The following CTSC variants were observed in gnomAD, a reference collection of about 807,000 sequenced individuals.
CTSC encodes dipeptidyl peptidase 1.
In CTSC, 37 loss-of-function variants were observed where a neutral mutation model predicts 40.9. The ratio of observed to expected loss-of-function variants is 0.91; its 90% CI spans 0.70 to 1.19. The LOEUF is 1.19. CTSC is among the 50% of genes most tolerant of loss of function. The probability of loss-of-function intolerance (pLI) is 0.00; values close to 1 mark genes in which losing one functional copy is unlikely to be tolerated. For synonymous variants in CTSC, 232 were observed against 207.4 expected (o/e 1.12, Z -1.02); for missense variants, 594 against 567.3 (o/e 1.05, Z -0.48).
At chr11:88,328,615 T>C (rs922294481) in intron 2 of CTSC, among the ~76,000 whole-genome samples, 5 of 152,170 alleles carry the variant, frequency 3.3e-5, no homozygotes, top group Non-Finnish European at 7.4e-5. Context: ...TTTCTCAACA[T>C]AGAGTTCTTG....
Position 88,312,526 on chromosome 11 carries a change from G to A in CTSC, c.347C>T (p.Thr116Ile). ...KYKEEGSKVT[T>I]YCNETMTGWV... ...CCCAGTCATTGTCTCGTTGCAGTAA[G>A]TGGTCACCTTGCTGCCCTCTTCTTT... Residue 116 changes from threonine to isoleucine, a missense_variant, in exon 3 of 7, where the codon ACT becomes ATT. Thr to Ile is a moderately conservative substitution (Grantham distance 89). Transcript: ENST00000227266. 6.2e-7 allele frequency: 1 copy of A among 1,614,130 alleles called. No individual in the cohort carries two copies. Among genetic ancestry groups the A allele is most frequent in the Non-Finnish European group, 8.5e-7 (1 of 1,180,020 alleles).
Position 88,312,430 on chromosome 11 carries a change from T to A in CTSC, c.443A>T (p.Asn148Ile), listed in dbSNP as rs1458690615. The A allele has an allele frequency of 1.2e-6, 2 of 1,614,038 alleles. No homozygotes were observed. The highest frequency in any genetic ancestry group is 1.7e-6 in the Non-Finnish European group (2 of 1,180,010). ...TGKKVGTASENVYVNIAHLKN... is the reference protein window; with the variant it reads ...TGKKVGTASEIVYVNIAHLKN... ...AAGGTGTGCTATGTTGACATACACA[T>A]TCTCAGAGGCAGTTCCCACCTTCTT... is the stretch of plus-strand genomic sequence containing the variant. The change falls in exon 3 of 7, where the codon AAT (asparagine) becomes ATT (isoleucine). Residue 148 changes from asparagine (N) to isoleucine (I), a missense_variant. Physicochemically the swap from Asn to Ile is moderately radical, Grantham distance 149. Coordinates refer to ENST00000227266, the MANE Select transcript of CTSC (RefSeq NM_001814.6).
chr11:88,296,294 A>G (rs372600190), intron 5 of CTSC, 30 bp from the exon 6 acceptor site: 19 of 1,612,532 alleles, frequency 1.2e-5, no homozygotes, highest in Non-Finnish European at 1.4e-5. Context: ...ACATAATCCA[A>G]GAGACATCTG....
At chr11:88,306,774 C>A (rs538137479) in intron 4 of CTSC, among the ~76,000 whole-genome samples, 2 of 152,344 alleles carry the variant, frequency 1.3e-5, no homozygotes, top group African/African-American at 4.8e-5. Flanking sequence ...TCACATTGGA[C>A]CCCTGCCCTT....
chr11:88,295,735 T>A (rs1205506912), intron 6 of CTSC, among the ~76,000 whole-genome samples: 1 of 152,092 alleles, frequency 6.6e-6, no homozygotes, highest in Non-Finnish European at 1.5e-5. Context: ...AGTATAGTTT[T>A]AATAAAAGTT....
chr11:88,325,090 A>G, intron 2 of CTSC: 1 of 782,094 alleles, frequency 1.3e-6, no homozygotes, highest in Non-Finnish European at 1.5e-6. Flanking sequence ...CAAAGCTGAA[A>G]GAAGTCAGCT....
At chr11:88,300,509 A>C in intron 5 of CTSC, 21 bp downstream of exon 5, 1 of 1,451,318 alleles carries the variant, frequency 6.9e-7, no homozygotes, top group Non-Finnish European at 9.7e-7. Context: ...ATTAACAAAA[A>C]ACTTAGGCTT....
intron 2 of CTSC, among the ~76,000 whole-genome samples, chr11:88,316,566 T>C (rs1178358783): frequency 6.6e-6 from 1 of 152,004 alleles, no homozygotes; most frequent in East Asian, 1.9e-4. Context: ...TACTAACTCA[T>C]TTATTTTTCA....
intron 4 of CTSC, among the ~76,000 whole-genome samples, chr11:88,302,405 C>G (rs376093529): frequency 1.3e-5 from 2 of 152,002 alleles, no homozygotes; most frequent in Non-Finnish European, 2.9e-5. Flanking sequence ...GGGCGGATCA[C>G]GAGGTCAGGA....
Position 88,312,409 on chromosome 11 carries a change from T to C in CTSC, c.464A>G (p.His155Arg). The change falls in exon 3 of 7, where the codon CAC becomes CGC. Residue 155 changes from histidine (H) to arginine (R), a missense_variant. By Grantham distance (29) the His-to-Arg change is conservative. Coordinates refer to ENST00000227266, the MANE Select transcript of CTSC (RefSeq NM_001814.6). ...TCACTTTTCCTGAGAATTCTTAAGG[T>C]GTGCTATGTTGACATACACATTCTC... ...ASENVYVNIA[H>R]LKNSQEKYSN... The C allele has an allele frequency of 6.2e-7, 1 of 1,614,164 alleles. No homozygotes were observed.
chr11:88,298,282 T>G (rs1944319689), intron 5 of CTSC: 1 of 152,222 alleles, frequency 6.6e-6, no homozygotes, highest in Non-Finnish European at 1.5e-5. Context: ...AAAAACAGCA[T>G]AGCTGGGAGA....
Position 88,337,564 on chromosome 11 carries a change from CCAG to C in CTSC, c.106_108del (p.Leu36del). The C allele has an allele frequency of 6.3e-7, 1 of 1,576,310 alleles. No homozygotes were observed. The highest frequency in any genetic ancestry group is 8.6e-7 in the Non-Finnish European group (1 of 1,160,114). On this transcript the variant is annotated inframe_deletion, in exon 1 of 7. Transcript: ENST00000227266. ...GAGCCCACCTGGAAGACCCAGGTGC[CCAG>C]CAGGTCAAGATAGGTGCAGTTGGCA...
intron 2 of CTSC, chr11:88,328,017 C>G (rs1591241434): frequency 1.2e-6 from 1 of 830,726 alleles, no homozygotes; most frequent in South Asian, 1.4e-5. Context: ...CAGTCACCCT[C>G]TGATGAATAA....
At chr11:88,315,204 G>A (rs1214855117) in intron 2 of CTSC, among the ~76,000 whole-genome samples, 1 of 152,028 alleles carries the variant, frequency 6.6e-6, no homozygotes, top group Non-Finnish European at 1.5e-5. Flanking sequence ...GTAGGGTTAG[G>A]CCGATGCTCC....
Position 88,337,597 on chromosome 11 carries a change from T to C in CTSC, c.76A>G (p.Thr26Ala). 1 of 1,579,514 alleles carries C rather than the reference T, an allele frequency of 6.3e-7. No homozygotes were observed. Among genetic ancestry groups the C allele is most frequent in the Non-Finnish European group, 8.6e-7 (1 of 1,162,106 alleles). ...LSGDGAVRCDTPANCTYLDLL... is the reference protein window; with the variant it reads ...LSGDGAVRCDAPANCTYLDLL... ...TCAAGATAGGTGCAGTTGGCAGGTG[T>C]GTCGCAGCGCACGGCGCCGTCGCCG... is the stretch of plus-strand genomic sequence containing the variant. Residue 26 changes from threonine (T) to alanine (A), a missense_variant, in exon 1 of 7, where the codon ACA (threonine) becomes GCA (alanine). By Grantham distance (58) the Thr-to-Ala change is moderately conservative. Transcript: ENST00000227266.
chr11:88,309,323 C>A lies in CTSC; in HGVS notation c.486-5G>T. 1 of 1,610,692 alleles carries A rather than the reference C, an allele frequency of 6.2e-7. No homozygotes were observed. Among genetic ancestry groups the A allele is most frequent in the Non-Finnish European group, 8.5e-7 (1 of 1,177,092 alleles). The stretch of plus-strand genomic sequence containing the variant: ...TTGTAGAGCCTATTAGAATACCTGT[C>A]CCCAAAAATGAGATAATTTCAGATA... On this transcript the variant is annotated splice_polypyrimidine_tract_variant and splice_region_variant and intron_variant, in intron 3 of 6. Coordinates refer to ENST00000227266, the MANE Select transcript of CTSC (RefSeq NM_001814.6).
intron 4 of CTSC, among the ~76,000 whole-genome samples, chr11:88,302,166 G>A (rs1032816286): frequency 2.0e-5 from 3 of 152,126 alleles, no homozygotes; most frequent in Admixed American, 6.5e-5. Flanking sequence ...ACTGGGCATT[G>A]TCATATCACA....
intron 4 of CTSC, among the ~76,000 whole-genome samples, chr11:88,307,678 G>A (rs1937664897): frequency 6.6e-6 from 1 of 151,028 alleles, no homozygotes; most frequent in South Asian, 2.1e-4. Context: ...GAGGCAAAGG[G>A]AACAGCACAA....
At chr11:88,297,008 G>A (rs769140612) in intron 5 of CTSC, 3 of 153,296 alleles carry the variant, frequency 2.0e-5, no homozygotes, top group Non-Finnish European at 4.4e-5. Context: ...TTCATCTAGT[G>A]TACAACCTGC....
Sources: allele counts gnomAD v4.1 joint callset (sites outside exome capture counted in the v4.1 genomes callset), GRCh38; gene constraint gnomAD v4.1.1; transcripts MANE v1.5; gene names NCBI Gene and HGNC (gene_info 2026-07-23, HGNC 2026-07-21).